The following TEX2 variants were observed in gnomAD, a reference collection of about 807,000 sequenced individuals.
TEX2 encodes the protein testis expressed 2.
TEX2 carries 53 observed loss-of-function variants against 106.9 expected under a neutral mutation model. The ratio of observed to expected loss-of-function variants is 0.50; its 90% CI spans 0.40 to 0.62. TEX2 has a LOEUF of 0.62. TEX2 is among the 20% of genes least tolerant of loss of function. TEX2 has a pLI of 0.00. For missense variants in TEX2, 1,207 were observed against 1,379.0 expected (o/e 0.88, Z 1.98); for synonymous variants, 523 against 534.8 (o/e 0.98, Z 0.30).
chr17:64,235,014 G>T (rs985330536), intron 1 of TEX2, among the ~76,000 whole-genome samples: 1 of 152,098 alleles, frequency 6.6e-6, no homozygotes, highest in East Asian at 1.9e-4. Flanking sequence ...TGGAAAAAAG[G>T]GCCATAGAGA....
intron 1 of TEX2, chr17:64,242,394 C>A (rs2033904153): frequency 6.6e-6 from 1 of 152,112 alleles, no homozygotes; most frequent in African/African-American, 2.4e-5. Flanking sequence ...AAATACATTT[C>A]TTTTAGGACA....
intron 7 of TEX2, among the ~76,000 whole-genome samples, chr17:64,169,218 T>A (rs193129992): frequency 5.3e-5 from 8 of 152,288 alleles, no homozygotes; most frequent in South Asian, 2.1e-4. Context: ...TTTGTATTTT[T>A]AGTAGAGACG....
chr17:64,212,748 G>A lies in TEX2; in HGVS notation c.1470C>T (p.Pro490=). 2 of 1,614,150 alleles carry A rather than the reference G, an allele frequency of 1.2e-6. No individual in the cohort carries two copies. The highest frequency in any genetic ancestry group is 1.1e-5 in the South Asian group (1 of 91,082). The part of the protein sequence containing the change: ...IMCVYVYLIL[P]LPHYVSGLFL... ...AGAGTCCACTCACATAGTGGGGGAG[G>A]GGGAGGATGAGGTACACATAGACAC... Residue 490 remains proline (P), a synonymous_variant, in exon 2 of 12, where the codon CCC becomes CCT. Transcript: ENST00000584379.
intron 6 of TEX2, among the ~76,000 whole-genome samples, chr17:64,171,806 C>A (rs1482051225): frequency 6.6e-6 from 1 of 151,626 alleles, no homozygotes; most frequent in Non-Finnish European, 1.5e-5. Flanking sequence ...TGGTGAAACC[C>A]CAACTCTACC....
At position 64,153,038 on chromosome 17, in the gene TEX2, A is replaced by C; in HGVS notation, c.3047T>G (p.Val1016Gly). Reference protein sequence around the residue: ...TEFIKKKIEEVSNTPLLLTVE... With the variant: ...TEFIKKKIEEGSNTPLLLTVE... ...AGTGAGCAGCAGGGGTGTGTTGGAG[A>C]CTTCTTCGATCTTCTTTTTAATAAA... is the stretch of plus-strand genomic sequence containing the variant. Residue 1016 changes from valine (V) to glycine (G), a missense_variant, in exon 10 of 12, where the codon GTC becomes GGC. By Grantham distance (109) the Val-to-Gly change is moderately radical (BLOSUM62 -3). Around this residue, in one of 3 missense-constraint regions of TEX2, gnomAD observed 63 missense variants for 112.2 expected, o/e 0.56. Transcript: ENST00000584379. This position sits in a 1 kb window ranked among gnomAD's most constrained non-coding sequence, Gnocchi z 4.1. The C allele has an allele frequency of 6.2e-7, 1 of 1,614,086 alleles. No individual in the cohort carries two copies. Among genetic ancestry groups the C allele is most frequent in the Non-Finnish European group, 8.5e-7 (1 of 1,180,018 alleles).
At position 64,214,372 on chromosome 17, in the gene TEX2, G is replaced by A. The variant is rs955906313; in HGVS notation, c.-25-130C>T. 16 of 739,412 alleles carry A rather than the reference G, an allele frequency of 2.2e-5. No homozygotes were observed. In the East Asian group the frequency reaches 3.5e-4, roughly 16 times the overall value. The allele number at this position is 739,412 out of a possible 1,614,324, so 45.8% of individuals were successfully genotyped here. On this transcript the variant is annotated intron_variant, in intron 1 of 11. Transcript: ENST00000584379. ...TGCTTTTACTTGGCAGATGTCCACC[G>A]TTTTTCACTTCATTGGGTTTAATGG...
rs2143901910 is a variant in TEX2 at position 64,193,584 on chromosome 17, T to C, written c.2151A>G (p.Ser717=). Residue 717 remains serine (S), a synonymous_variant, in exon 4 of 12, where the codon TCA becomes TCG. Coordinates refer to ENST00000584379, the MANE Select transcript of TEX2 (RefSeq NM_001288732.2). ...ASKLKSEIKK[S]SGVSGGKPGL... ...CTGGTTTACCTCCAGAGACACCCGA[T>C]GACTTCTTGATTTCCGACTTTAGCT... 1 of 1,449,512 alleles carries C rather than the reference T, an allele frequency of 6.9e-7. No individual in the cohort carries two copies. Among genetic ancestry groups the C allele is most frequent in the East Asian group, 2.4e-5 (1 of 40,946 alleles). The allele number at this position is 1,449,512 out of a possible 1,614,324, so 89.8% of individuals were successfully genotyped here. A position where few individuals can be genotyped will look rare whatever the true frequency, so the allele number is the denominator to read the frequency against.
chr17:64,208,718 G>A (rs1193690661), intron 2 of TEX2, among the ~76,000 whole-genome samples: 1 of 152,024 alleles, frequency 6.6e-6, no homozygotes, highest in Non-Finnish European at 1.5e-5. Flanking sequence ...TCAAACTCCT[G>A]GACTCAAGTG....
intron 1 of TEX2, among the ~76,000 whole-genome samples, chr17:64,245,433 G>A (rs2033968210): frequency 1.3e-5 from 2 of 152,104 alleles, no homozygotes; most frequent in African/African-American, 4.8e-5. Flanking sequence ...TAAAGTACAT[G>A]ACATCTAAGC....
intron 1 of TEX2, among the ~76,000 whole-genome samples, chr17:64,248,038 G>A (rs1307645042): frequency 1.3e-5 from 2 of 152,198 alleles, no homozygotes; most frequent in East Asian, 3.9e-4. Context: ...ACTCCAGGAA[G>A]AAGACAGCCT....
intron 2 of TEX2, among the ~76,000 whole-genome samples, chr17:64,207,801 T>G (rs1335335361): frequency 1.3e-5 from 2 of 151,858 alleles, no homozygotes; most frequent in African/African-American, 4.8e-5. Context: ...AGTGGTGCGA[T>G]CGCAGCTCAC....
intron 1 of TEX2, among the ~76,000 whole-genome samples, chr17:64,230,242 G>C (rs1555634450): frequency 1.3e-5 from 2 of 152,148 alleles, no homozygotes; most frequent in African/African-American, 4.8e-5. Flanking sequence ...GGTTTCCCAG[G>C]GGCCCCGTGT....
chr17:64,241,953 G>A (rs987950737), intron 1 of TEX2, among the ~76,000 whole-genome samples: 1 of 152,078 alleles, frequency 6.6e-6, no homozygotes, highest in Non-Finnish European at 1.5e-5. Flanking sequence ...TTTTGAGAAC[G>A]GTACTGTCTG....
intron 8 of TEX2, among the ~76,000 whole-genome samples, chr17:64,158,499 A>G (rs578122986): frequency 6.6e-6 from 1 of 152,312 alleles, no homozygotes; most frequent in East Asian, 1.9e-4. Flanking sequence ...TTGGAGGTTT[A>G]ATATTAAGGA....
In TEX2 at chr17:64,214,219, G is replaced by C. The variant is rs1555632307; in HGVS notation, c.-2C>G. Reference sequence around the variant, plus strand: ...ATGGCGACCATACAGACTTGTCATTGCCGGCTTCACAAGGGCTCAGGCTCT... The same window carrying C: ...ATGGCGACCATACAGACTTGTCATTCCCGGCTTCACAAGGGCTCAGGCTCT... On this transcript the variant is annotated 5_prime_UTR_variant, in exon 2 of 12. Transcript: ENST00000584379. 1 of 1,609,628 alleles carries C rather than the reference G, an allele frequency of 6.2e-7. No individual in the cohort carries two copies.
Position 64,240,762 on chromosome 17 carries a change from A to C in TEX2, c.-26+22406T>G, listed in dbSNP as rs116450077. 6.2e-3 allele frequency among the ~76,000 whole-genome samples: 941 copies of C among 152,278 alleles called. 9 individuals are homozygous for C. Among genetic ancestry groups the C allele is most frequent in the African/African-American group, 0.022 (902 of 41,528 alleles). On this transcript the variant is annotated intron_variant, in intron 1 of 11. Transcript: ENST00000584379. The stretch of plus-strand genomic sequence containing the variant: ...CAGTTGCCTGGTCGATGAAGGGGAA[A>C]GCAAGGCAAGAGTAACAATAGGGTA...
At chr17:64,170,137 T>C (rs964523898) in intron 7 of TEX2, among the ~76,000 whole-genome samples, 19 of 152,206 alleles carry the variant, frequency 1.2e-4, no homozygotes, top group Non-Finnish European at 2.4e-4. Context: ...GATCAACTCT[T>C]TAACCCCCCA....
intron 5 of TEX2, among the ~76,000 whole-genome samples, chr17:64,179,985 G>C (rs753325085): frequency 1.2e-4 from 18 of 152,196 alleles, no homozygotes; most frequent in Admixed American, 3.9e-4. Context: ...GCCATAACTT[G>C]CACTGTTTTT....
rs567164965 is a variant in TEX2, at chr17:64,159,125, C to T, written c.2804+1676G>A. On this transcript the variant is annotated intron_variant, in intron 8 of 11. Coordinates refer to ENST00000584379, the MANE Select transcript of TEX2 (RefSeq NM_001288732.2). The stretch of plus-strand genomic sequence containing the variant: ...TGGGCTACGAGGGCTGCATGAATAG[C>T]AGTGAATGTGGACGCATACGTGGCA... Among the ~76,000 whole-genome samples, 3 of 152,272 alleles carry T rather than the reference C, an allele frequency of 2.0e-5. No homozygotes were observed. The East Asian group carries it at 5.8e-4, about 29-fold the overall frequency.
Sources: allele counts gnomAD v4.1 joint callset (sites outside exome capture counted in the v4.1 genomes callset), GRCh38; gene constraint gnomAD v4.1.1; regional missense constraint gnomAD v4.1.1; non-coding constraint Gnocchi (gnomAD v3.1); transcripts MANE v1.5; gene names NCBI Gene and HGNC (gene_info 2026-07-23, HGNC 2026-07-21).